Variants in OTOA observed in about 807,000 individuals in gnomAD.
The protein encoded by OTOA is otoancorin.
OTOA carries 70 observed loss-of-function variants against 110.8 expected under a neutral mutation model. That is an observed-to-expected ratio of 0.63 (90% confidence interval 0.52 to 0.77). The LOEUF is 0.77. Among genes scored for constraint, OTOA ranks in the 30% least tolerant of loss-of-function variants. The pLI is 0.00. For missense variants in OTOA, 917 were observed against 1,075.8 expected, an observed-to-expected ratio of 0.85 and a Z score of 2.06; for synonymous variants, 373 against 431.5, an observed-to-expected ratio of 0.86 and a Z score of 1.68.
Position 21,715,018 on chromosome 16 carries a change from G to T in OTOA, c.1354G>T (p.Ala452Ser), listed in dbSNP as rs761846855. 1 of 1,614,210 alleles carries T rather than the reference G, an allele frequency of 6.2e-7. No individual in the cohort carries two copies. Among genetic ancestry groups the T allele is most frequent in the Non-Finnish European group, 8.5e-7 (1 of 1,180,022 alleles). Residue 452 changes from alanine (A) to serine (S), a missense_variant, in exon 14 of 29, where the codon GCA (alanine) becomes TCA (serine). Ala to Ser is a moderately conservative substitution (Grantham distance 99). Transcript: ENST00000646100. ...TTTCTACAATGTCAGCCAGATGGGCGCACTGCTGGCTGGGGTCAGCACCCA... is the reference window on the plus strand; with the variant it reads ...TTTCTACAATGTCAGCCAGATGGGCTCACTGCTGGCTGGGGTCAGCACCCA... ...LSFYNVSQMGALLAGVSTQAF... is the reference protein window; with the variant it reads ...LSFYNVSQMGSLLAGVSTQAF...
At chr16:21,702,070 C>T (rs1898064735) in intron 11 of OTOA, among the ~76,000 whole-genome samples, 1 of 151,946 alleles carries the variant, frequency 6.6e-6, no homozygotes, top group East Asian at 1.9e-4. Flanking sequence ...CTGCCTCAGC[C>T]TCCCAAGTAG....
rs1396526871 is a variant in OTOA at position 21,726,618 on chromosome 16, A to G, written c.1976A>G (p.His659Arg). The change falls in exon 19 of 29, where the codon CAC becomes CGC. Residue 659 changes from histidine (H) to arginine (R), a missense_variant. Transcript: ENST00000646100. ...TTGGACTCCTTGGTTTTAGATTCCC[A>G]CAAAAAGACTTCAGTCCTCAGGAAA... ...SWLDSLVLDS[H>R]KKTSVLRKVQ... 1 of 1,613,980 alleles carries G rather than the reference A, an allele frequency of 6.2e-7. No homozygotes were observed. Among genetic ancestry groups the G allele is most frequent in the Non-Finnish European group, 8.5e-7 (1 of 1,179,988 alleles).
intron 2 of OTOA, 82 bp from the exon 3 acceptor site, chr16:21,678,833 G>C: frequency 6.5e-7 from 1 of 1,528,956 alleles, no homozygotes; most frequent in Non-Finnish European, 9.0e-7. Flanking sequence ...TGGCTTTCTG[G>C]GGCTTTTCCT....
intron 9 of OTOA, among the ~76,000 whole-genome samples, chr16:21,696,657 C>T (rs1245276130): frequency 6.6e-6 from 1 of 151,920 alleles, no homozygotes; most frequent in Non-Finnish European, 1.5e-5. Flanking sequence ...GCCACCTCCA[C>T]CTCCCGGGCT....
At chr16:21,708,371 ACTGGCCTGCTGCTCACCTCCTG>A (rs1449129638) in intron 12 of OTOA, among the ~76,000 whole-genome samples, 3 of 151,928 alleles carry the variant, frequency 2.0e-5, no homozygotes, top group African/African-American at 7.3e-5. Flanking sequence ...GGTAATGCTC[ACTGGCCTGCTGCTCACCTCCTG>A]CTGTGGCTGG....
At chr16:21,758,674 GC>G (rs1900070184) in intron 28 of OTOA, among the ~76,000 whole-genome samples, 2 of 149,936 alleles carry the variant, frequency 1.3e-5, no homozygotes, top group African/African-American at 4.9e-5. Context: ...CATAAATCAT[GC>G]CTTTTGATGT....
chr16:21,709,650 G>A (rs1441779397), intron 12 of OTOA, among the ~76,000 whole-genome samples: 1 of 152,090 alleles, frequency 6.6e-6, no homozygotes, highest in Non-Finnish European at 1.5e-5. Flanking sequence ...ATATTTAAAT[G>A]AAGTACAAAG....
At chr16:21,691,485 C>T (rs1198578373) in intron 8 of OTOA, 99 bp from the exon 9 acceptor site, 11 of 976,576 alleles carry the variant, frequency 1.1e-5, no homozygotes, top group African/African-American at 3.2e-5. Context: ...AGGGTTTTAA[C>T]ACAAGACAGC....
rs117866053 is a variant in OTOA, at chr16:21,679,827, A to T, written c.179+616A>T. 6.6e-3 allele frequency among the ~76,000 whole-genome samples: 1,007 copies of T among 152,276 alleles called. 15 individuals carry two copies. The highest frequency in any genetic ancestry group is 0.014 in the Middle Eastern group (4 of 294). ...AGTTCCCATTGTTATCCCATTGCAC[A>T]CAATGGTGAAACTGAGGTCCAGGAA... is the stretch of plus-strand genomic sequence containing the variant. On this transcript the variant is annotated intron_variant, in intron 5 of 28. Transcript: ENST00000646100.
intron 9 of OTOA, among the ~76,000 whole-genome samples, chr16:21,693,399 C>G (rs1399032647): frequency 1.3e-5 from 2 of 152,116 alleles, no homozygotes; most frequent in African/African-American, 4.8e-5. Flanking sequence ...ACAGAATAAA[C>G]TTTTTAAAAG....
intron 7 of OTOA, among the ~76,000 whole-genome samples, chr16:21,686,642 T>C (rs962403623): frequency 7.9e-5 from 12 of 152,072 alleles, no homozygotes; most frequent in African/African-American, 2.7e-4. Flanking sequence ...TGGTGGCTCA[T>C]ACCTGTAACC....
chr16:21,674,848 C>T (rs938865318), intron 1 of OTOA, among the ~76,000 whole-genome samples: 1 of 125,350 alleles, frequency 8.0e-6, no homozygotes, highest in African/African-American at 3.0e-5. Context: ...AAGAGTTTTT[C>T]AATATAGTCT....
intron 13 of OTOA, among the ~76,000 whole-genome samples, chr16:21,713,366 T>C (rs1014158409): frequency 2.0e-5 from 3 of 152,154 alleles, no homozygotes. Context: ...AAGTGGGAAC[T>C]GGAGCAGGAT....
At position 21,716,927 on chromosome 16, in the gene OTOA, T is replaced by C; in HGVS notation, c.1509T>C (p.Thr503=). 4.3e-6 allele frequency: 7 copies of C among 1,614,044 alleles called. 1 individual carries two copies. The highest frequency in any genetic ancestry group is 3.3e-5 in the South Asian group (3 of 91,082). ...GGCAGATGGTCCAAGCGGAAGACAC[T>C]GCCCCAGGCATCGTGGAGATACAAG... ...ILSKMVQAED[T]APGIVEIQGA... is the part of the protein sequence containing the mutation. Residue 503 remains threonine (T), a synonymous_variant, in exon 15 of 29, where the codon ACT becomes ACC. Transcript: ENST00000646100.
intron 15 of OTOA, 44 bp from the exon 16 acceptor site, chr16:21,719,089 C>T (rs750157696): frequency 9.5e-6 from 15 of 1,579,676 alleles, no homozygotes; most frequent in East Asian, 2.2e-5. Flanking sequence ...GTTGGGCACA[C>T]GCTGAGTGTG....
At chr16:21,728,848 A>C (rs540218997) in intron 20 of OTOA, among the ~76,000 whole-genome samples, 2 of 151,670 alleles carry the variant, frequency 1.3e-5, no homozygotes, top group Non-Finnish European at 2.9e-5. Flanking sequence ...CGGCCTCCCA[A>C]AGTTCTGGGA....
intron 28 of OTOA, among the ~76,000 whole-genome samples, chr16:21,759,354 A>G (rs462217): frequency 6.6e-6 from 1 of 151,774 alleles, no homozygotes; most frequent in Non-Finnish European, 1.5e-5. Context: ...TTCACCTAAC[A>G]ATATACTTTG....
intron 12 of OTOA, among the ~76,000 whole-genome samples, chr16:21,705,963 G>A (rs562757649): frequency 4.0e-5 from 6 of 151,694 alleles, no homozygotes; most frequent in Non-Finnish European, 8.8e-5. Context: ...AAAGCCATGT[G>A]CCTATAGTGC....
intron 7 of OTOA, 21 bp downstream of exon 7, chr16:21,685,382 C>T (rs915178636): frequency 6.8e-6 from 11 of 1,607,694 alleles, no homozygotes; most frequent in South Asian, 1.1e-5. Context: ...CTTGGCATCC[C>T]GGGGATAGAG....
Sources: allele counts gnomAD v4.1 joint callset (sites outside exome capture counted in the v4.1 genomes callset), GRCh38; gene constraint gnomAD v4.1.1; transcripts MANE v1.5; gene names NCBI Gene and HGNC (gene_info 2026-07-23, HGNC 2026-07-21).